The following MAGI2 variants were observed in gnomAD, a reference collection of about 807,000 sequenced individuals.
MAGI2 encodes membrane associated guanylate kinase, WW and PDZ domain containing 2, also known as membrane-associated guanylate kinase, WW and PDZ domain-containing protein 2.
A neutral mutation model predicts 133.3 loss-of-function variants in MAGI2; 35 were observed. The ratio of observed to expected loss-of-function variants is 0.26; its 90% CI spans 0.20 to 0.35. The LOEUF (loss-of-function observed/expected upper bound fraction) is 0.35. Among genes scored for constraint, MAGI2 ranks in the 10% least tolerant of loss-of-function variants. The probability of loss-of-function intolerance (pLI) is 1.00; values close to 1 mark genes in which losing one functional copy is unlikely to be tolerated. For missense variants in MAGI2, 1,636 were observed against 1,863.4 expected (o/e 0.88, Z 2.25); for synonymous variants, 729 against 710.6 (o/e 1.03, Z -0.41).
chr7:79,279,359 C>T (rs1245676033), intron 1 of MAGI2, among the ~76,000 whole-genome samples: 1 of 152,132 alleles, frequency 6.6e-6, no homozygotes, highest in African/African-American at 2.4e-5. Flanking sequence ...TTTTATCCAT[C>T]ACCCAAAATG....
chr7:78,760,733 G>A (rs1299369095), intron 2 of MAGI2, among the ~76,000 whole-genome samples: 1 of 152,098 alleles, frequency 6.6e-6, no homozygotes, highest in African/African-American at 2.4e-5. Context: ...ATTTTATCCC[G>A]ATATGTAAGT....
intron 2 of MAGI2, among the ~76,000 whole-genome samples, chr7:78,832,248 T>G (rs111531536): frequency 6.6e-6 from 1 of 152,176 alleles, no homozygotes; most frequent in African/African-American, 2.4e-5. Flanking sequence ...ATTATATTTC[T>G]GTTTTTTGAC....
At chr7:78,136,363 G>A (rs1184457322) in intron 16 of MAGI2, among the ~76,000 whole-genome samples, 1 of 152,018 alleles carries the variant, frequency 6.6e-6, no homozygotes, top group South Asian at 2.1e-4. Context: ...CTCATGATCC[G>A]CCTGCCTCGG....
At chr7:79,060,730 G>A (rs926136676) in intron 1 of MAGI2, among the ~76,000 whole-genome samples, 2 of 152,054 alleles carry the variant, frequency 1.3e-5, no homozygotes, top group Non-Finnish European at 1.5e-5. Flanking sequence ...TACCCCATGA[G>A]TCTTTCACTT....
chr7:78,699,214 A>G (rs113769411), intron 2 of MAGI2, among the ~76,000 whole-genome samples: 4 of 152,172 alleles, frequency 2.6e-5, no homozygotes, highest in African/African-American at 7.2e-5. Context: ...GGCTCAAACA[A>G]TCCTCCCACC....
chr7:78,607,306 TGGG>T (rs1805921187), intron 3 of MAGI2, among the ~76,000 whole-genome samples: 1 of 152,024 alleles, frequency 6.6e-6, no homozygotes, highest in Non-Finnish European at 1.5e-5. Flanking sequence ...AATTTGAATC[TGGG>T]TTGATTGACC....
At chr7:78,292,230 C>T (rs1486638941) in intron 9 of MAGI2, among the ~76,000 whole-genome samples, 4 of 152,220 alleles carry the variant, frequency 2.6e-5, no homozygotes, top group Non-Finnish European at 5.9e-5. Flanking sequence ...GCAACTTCAG[C>T]AAAGTCTCAG....
intron 9 of MAGI2, among the ~76,000 whole-genome samples, chr7:78,266,782 G>A (rs1465492925): frequency 6.6e-6 from 1 of 151,956 alleles, no homozygotes; most frequent in Non-Finnish European, 1.5e-5. Context: ...GTTTCACCAT[G>A]ATGGCCAGGC....
chr7:78,209,165 T>G (rs1787463706), intron 10 of MAGI2, among the ~76,000 whole-genome samples: 1 of 45,740 alleles, frequency 2.2e-5, no homozygotes, highest in Non-Finnish European at 4.4e-5. Context: ...GAGCTTGCAG[T>G]GAGCTGAGAT....
At chr7:78,887,062 C>T (rs1011021261) in intron 2 of MAGI2, among the ~76,000 whole-genome samples, 6 of 152,146 alleles carry the variant, frequency 3.9e-5, no homozygotes, top group Admixed American at 1.3e-4. Context: ...TTGTAAGTTT[C>T]GTGAGGCCTC....
intron 3 of MAGI2, among the ~76,000 whole-genome samples, chr7:78,581,317 C>T (rs2150810321): frequency 6.6e-6 from 1 of 152,288 alleles, no homozygotes; most frequent in South Asian, 2.1e-4. Flanking sequence ...AAGGGAGTTG[C>T]TTCTTGATGC....
intron 1 of MAGI2, among the ~76,000 whole-genome samples, chr7:79,235,771 G>A (rs1252772575): frequency 6.6e-6 from 1 of 152,198 alleles, no homozygotes; most frequent in East Asian, 1.9e-4. Flanking sequence ...GCTCACGCTG[G>A]GAGCTGTAGA....
intron 2 of MAGI2, among the ~76,000 whole-genome samples, chr7:78,920,502 C>A (rs1441742083): frequency 6.6e-6 from 1 of 151,976 alleles, no homozygotes; most frequent in African/African-American, 2.4e-5. Flanking sequence ...ATTATTTTTT[C>A]TTCTCTTATA....
chr7:78,639,779 G>A (rs1810077794), intron 2 of MAGI2, among the ~76,000 whole-genome samples: 1 of 152,178 alleles, frequency 6.6e-6, no homozygotes, highest in East Asian at 1.9e-4. Flanking sequence ...CCCCATTCAG[G>A]CCAGTGTGAC....
intron 1 of MAGI2, among the ~76,000 whole-genome samples, chr7:79,423,669 A>C (rs1847133827): frequency 6.6e-6 from 1 of 152,130 alleles, no homozygotes; most frequent in Admixed American, 6.5e-5. Context: ...TCTGTTTTGA[A>C]GATATCTGAT....
At chr7:78,156,090 T>G (rs1215296188) in intron 16 of MAGI2, among the ~76,000 whole-genome samples, 1 of 152,194 alleles carries the variant, frequency 6.6e-6, no homozygotes, top group Non-Finnish European at 1.5e-5. Flanking sequence ...TCCCCTTGAG[T>G]CTGAATTTCG....
intron 3 of MAGI2, among the ~76,000 whole-genome samples, chr7:78,605,048 G>T (rs996814055): frequency 2.0e-5 from 3 of 152,196 alleles, no homozygotes; most frequent in Admixed American, 2.0e-4. Context: ...GTATGCATGT[G>T]AGAGGAGGTG....
intron 9 of MAGI2, among the ~76,000 whole-genome samples, chr7:78,281,526 A>C (rs1018846929): frequency 9.9e-5 from 15 of 152,132 alleles, no homozygotes; most frequent in African/African-American, 2.7e-4. Context: ...AAGTTTCCTG[A>C]GGCCTCTCCA....
At chr7:79,227,783 G>T (rs547510054) in intron 1 of MAGI2, among the ~76,000 whole-genome samples, 1 of 152,196 alleles carries the variant, frequency 6.6e-6, no homozygotes, top group African/African-American at 2.4e-5. Context: ...ATTGTTAACT[G>T]GTTTCTTTTG....
Sources: gnomAD v4.1 joint callset for allele counts (sites outside exome capture counted in the v4.1 genomes callset) on GRCh38, gnomAD v4.1.1 for gene constraint, MANE v1.5 for transcripts, NCBI Gene and HGNC (gene_info 2026-07-23, HGNC 2026-07-21) for gene names.